Variants in CDC40 observed in about 807,000 individuals in gnomAD.
The protein encoded by CDC40 is pre-mRNA-processing factor 17.
Under a neutral mutation model 80.6 loss-of-function variants are expected in CDC40, and 27 were observed. That is an observed-to-expected ratio of 0.33 (90% CI 0.25 to 0.46). CDC40 has a LOEUF of 0.46. Among genes scored for constraint, CDC40 ranks in the 20% least tolerant of loss-of-function variants. The probability of loss-of-function intolerance (pLI) is 1.00; values close to 1 mark genes in which losing one functional copy is unlikely to be tolerated. For missense variants in CDC40, 486 were observed against 694.1 expected (o/e 0.70, Z 3.37); for synonymous variants, 221 against 232.6 (o/e 0.95, Z 0.45).
rs781079647 is a variant in CDC40 at position 110,207,490 on chromosome 6, A to C, written c.407-16A>C. On this transcript the variant is annotated splice_polypyrimidine_tract_variant and intron_variant, in intron 3 of 14. Coordinates refer to ENST00000307731, the MANE Select transcript of CDC40 (RefSeq NM_015891.3). Reference sequence around the variant, plus strand: ...CAGCAAAATGGAGTTAATAATTTTCACTTTTTTGCTTTCAGGTTATGCATT... The same window carrying C: ...CAGCAAAATGGAGTTAATAATTTTCCCTTTTTTGCTTTCAGGTTATGCATT... 7.3e-7 allele frequency: 1 copy of C among 1,371,870 alleles called. No individual in the cohort carries two copies. Among genetic ancestry groups the C allele is most frequent in the Middle Eastern group, 1.8e-4 (1 of 5,506 alleles). 85.0% of individuals were successfully genotyped at this position (1,371,870 alleles called of 1,614,324 possible). A position where few individuals can be genotyped will look rare whatever the true frequency, so the allele number is the denominator to read the frequency against.
intron 3 of CDC40, among the ~76,000 whole-genome samples, 181 bp from the exon 4 acceptor site, chr6:110,207,314 CAAAAAAAAAAA>C (rs869177206): frequency 5.7e-5 from 3 of 52,526 alleles, no homozygotes; most frequent in Non-Finnish European, 1.3e-4. Context: ...GACCCTATCT[CAAAAAAAAAAA>C]AAAAAAAAAA....
At chr6:110,216,333 GT>G (rs1206135788) in intron 9 of CDC40, among the ~76,000 whole-genome samples, 1 of 152,176 alleles carries the variant, frequency 6.6e-6, no homozygotes, top group South Asian at 2.1e-4. Context: ...TAGTGGCTCT[GT>G]TTTTAGATTA....
At position 110,180,598 on chromosome 6, in the gene CDC40, G is replaced by T; in HGVS notation, c.154G>T (p.Val52Leu). The change falls in exon 1 of 15, where the codon GTG becomes TTG. Residue 52 changes from valine to leucine, a missense_variant. This residue lies in a region of CDC40 where 381 missense variants were observed against 492.1 expected (regional missense o/e 0.77). Transcript: ENST00000307731. Reference sequence around the variant, plus strand: ...GCCTTCATCAAAGCCGTCTCTAGCAGTGGCAGTGGACTCGGCTCCGGAGGT... The same window carrying T: ...GCCTTCATCAAAGCCGTCTCTAGCATTGGCAGTGGACTCGGCTCCGGAGGT... The part of the protein sequence containing the change: ...KSPSSKPSLA[V>L]AVDSAPEVAV... The T allele has an allele frequency of 6.2e-7, 1 of 1,614,064 alleles. No individual in the cohort carries two copies. The highest frequency in any genetic ancestry group is 8.5e-7 in the Non-Finnish European group (1 of 1,179,904).
chr6:110,182,545 C>G (rs1463558996), intron 1 of CDC40, among the ~76,000 whole-genome samples: 1 of 152,232 alleles, frequency 6.6e-6, no homozygotes, highest in African/African-American at 2.4e-5. Flanking sequence ...TCCTCAGCCC[C>G]TGAAGCTAGT....
rs925847082 is a variant in CDC40, at chr6:110,201,644, T to C, written c.363T>C (p.Asn121=). The change falls in exon 3 of 15, where the codon AAT becomes AAC. Residue 121 remains asparagine, a synonymous_variant. Coordinates refer to ENST00000307731, the MANE Select transcript of CDC40 (RefSeq NM_015891.3). ...LSGYAEPAHI[N]DFMFEQQRRT... is the part of the protein sequence containing the mutation. ...GATATGCCGAACCAGCTCATATCAA[T>C]GATTTCATGTTTGAGCAGCAAAGGA... 4 of 1,613,294 alleles carry C rather than the reference T, an allele frequency of 2.5e-6. No individual in the cohort carries two copies. The highest frequency in any genetic ancestry group is 1.7e-5 in the Admixed American group (1 of 60,024).
chr6:110,207,314 C>CAAAAAAA (rs869177206), intron 3 of CDC40, among the ~76,000 whole-genome samples, 192 bp from the exon 4 acceptor site: 2 of 52,514 alleles, frequency 3.8e-5, no homozygotes, highest in African/African-American at 1.1e-4. Flanking sequence ...GACCCTATCT[C>CAAAAAAA]AAAAAAAAAA....
At position 110,228,994 on chromosome 6, in the gene CDC40, A is replaced by C. The variant is rs767604442; in HGVS notation, c.1562+18A>C. On this transcript the variant is annotated intron_variant, in intron 14 of 14. Transcript: ENST00000307731. ...GACATGAGGTAAGTTTAAATCTTCTAATCCATTCTCGTATTCAAATATGAT... is the reference window on the plus strand; with the variant it reads ...GACATGAGGTAAGTTTAAATCTTCTCATCCATTCTCGTATTCAAATATGAT... 4 of 1,580,522 alleles carry C rather than the reference A, an allele frequency of 2.5e-6. No individual in the cohort carries two copies. The East Asian group carries it at 6.8e-5, about 27-fold the overall frequency.
intron 3 of CDC40, among the ~76,000 whole-genome samples, chr6:110,206,949 C>T (rs1232803867): frequency 1.3e-5 from 2 of 152,090 alleles, no homozygotes; most frequent in Non-Finnish European, 2.9e-5. Context: ...CTATAAGAAA[C>T]ATATTATGCT....
At chr6:110,229,554 C>A (rs945287272) in intron 14 of CDC40, among the ~76,000 whole-genome samples, 20 of 152,144 alleles carry the variant, frequency 1.3e-4, no homozygotes, top group Non-Finnish European at 4.4e-5. Flanking sequence ...TAGATGTATT[C>A]AAAAGATATT....
At chr6:110,205,697 A>T (rs1384751003) in intron 3 of CDC40, among the ~76,000 whole-genome samples, 1 of 152,214 alleles carries the variant, frequency 6.6e-6, no homozygotes, top group Non-Finnish European at 1.5e-5. Flanking sequence ...CAGACGCGTC[A>T]TGAAATGCTA....
chr6:110,207,561 T>A lies in CDC40; in HGVS notation c.462T>A (p.Gly154=), dbSNP rs769326442. 8 of 1,597,752 alleles carry A rather than the reference T, an allele frequency of 5.0e-6. No homozygotes were observed. The East Asian group carries it at 1.8e-4, about 36-fold the overall frequency. ...DNHQVSAKYI[G]SVEEAEKNQG... ...ATCAAGTGTCTGCTAAATATATTGGTTCTGTAGAAGAAGCTGAAAAAAATC... is the reference window on the plus strand; with the variant it reads ...ATCAAGTGTCTGCTAAATATATTGGATCTGTAGAAGAAGCTGAAAAAAATC... Residue 154 remains glycine (G), a synonymous_variant, in exon 4 of 15, where the codon GGT becomes GGA. Transcript: ENST00000307731.
At chr6:110,222,866 T>G (rs771381957) in intron 12 of CDC40, among the ~76,000 whole-genome samples, 23 of 152,216 alleles carry the variant, frequency 1.5e-4, no homozygotes, top group Admixed American at 1.0e-3. Flanking sequence ...ATCAATGATG[T>G]TACACTGATT....
chr6:110,196,459 A>C (rs1777420483), intron 2 of CDC40, among the ~76,000 whole-genome samples: 1 of 152,156 alleles, frequency 6.6e-6, no homozygotes, highest in Non-Finnish European at 1.5e-5. Context: ...CATTTCACTC[A>C]ATTCTTTTTA....
intron 13 of CDC40, among the ~76,000 whole-genome samples, chr6:110,227,735 C>T (rs1161105618): frequency 3.3e-5 from 5 of 152,160 alleles, no homozygotes; most frequent in Non-Finnish European, 5.9e-5. Context: ...AGGTACAAAG[C>T]ATTTACGTTG....
In CDC40 at chr6:110,231,310, G is replaced by C. The variant is rs1777934865; in HGVS notation, c.*1179G>C. On this transcript the variant is annotated 3_prime_UTR_variant, in exon 15 of 15. Transcript: ENST00000307731. ...AGGTCAGGAGTTCAAGACCAGCCTG[G>C]CCAACATAGTGAAACCCCGTCTCTA... 2 of 152,206 alleles carry C rather than the reference G, an allele frequency of 1.3e-5. No homozygotes were observed. The highest frequency in any genetic ancestry group is 4.1e-4 in the South Asian group (2 of 4,828). 9.4% of individuals were successfully genotyped at this position (152,206 alleles called of 1,614,324 possible). A position where few individuals can be genotyped will look rare whatever the true frequency, so the allele number is the denominator to read the frequency against.
At chr6:110,217,635 A>G (rs1182186935) in intron 9 of CDC40, 67 bp from the exon 10 acceptor site, 10 of 779,210 alleles carry the variant, frequency 1.3e-5, no homozygotes, top group Non-Finnish European at 1.9e-5. Flanking sequence ...TTATGGTGTT[A>G]ATGTTTTAAG....
chr6:110,190,970 G>C (rs1777339546), intron 1 of CDC40, among the ~76,000 whole-genome samples: 1 of 152,156 alleles, frequency 6.6e-6, no homozygotes, highest in Admixed American at 6.5e-5. Context: ...GTGTGATTAA[G>C]GCTGCAGATA....
intron 3 of CDC40, among the ~76,000 whole-genome samples, chr6:110,203,082 C>T (rs1777513786): frequency 6.6e-6 from 1 of 152,010 alleles, no homozygotes; most frequent in Non-Finnish European, 1.5e-5. Context: ...TTCAAGTGAA[C>T]TTAGTAAGAT....
chr6:110,220,908 C>T (rs1049370817), intron 12 of CDC40, among the ~76,000 whole-genome samples: 1 of 152,104 alleles, frequency 6.6e-6, no homozygotes, highest in South Asian at 2.1e-4. Flanking sequence ...GGGTCCCTCC[C>T]ACAATACATG....
Sources: allele counts gnomAD v4.1 joint callset (sites outside exome capture counted in the v4.1 genomes callset), GRCh38; gene constraint gnomAD v4.1.1; regional missense constraint gnomAD v4.1.1; transcripts MANE v1.5; gene names NCBI Gene and HGNC (gene_info 2026-07-23, HGNC 2026-07-21).